The following TRDN variants were observed in gnomAD, a reference collection of about 807,000 sequenced individuals.
TRDN encodes triadin in skeletal muscle.
TRDN carries 161 observed loss-of-function variants against 149.7 expected under a neutral mutation model. The observed-to-expected ratio is 1.08, with a 90% CI of 0.95 to 1.23. The LOEUF (loss-of-function observed/expected upper bound fraction) is 1.23. Among genes scored for constraint, TRDN ranks in the 50% most tolerant of loss-of-function variants. The pLI, the probability that TRDN is intolerant of heterozygous loss-of-function variation, is 0.00. For missense variants in TRDN, 896 were observed against 823.5 expected (o/e 1.09, Z -1.08); for synonymous variants, 294 against 250.5 (o/e 1.17, Z -1.64).
intron 38 of TRDN, among the ~76,000 whole-genome samples, chr6:123,247,913 G>A (rs967794465): frequency 1.3e-5 from 2 of 151,956 alleles, no homozygotes; most frequent in South Asian, 2.1e-4. Flanking sequence ...ATAGACCAAT[G>A]GGACAGAACA....
intron 2 of TRDN, among the ~76,000 whole-genome samples, chr6:123,553,942 G>A (rs1781522504): frequency 1.3e-5 from 2 of 152,128 alleles, no homozygotes; most frequent in Admixed American, 6.6e-5. Flanking sequence ...TTTAATAAAT[G>A]TTAGATAATT....
At chr6:123,595,627 T>A (rs1351758426) in intron 1 of TRDN, among the ~76,000 whole-genome samples, 1 of 152,162 alleles carries the variant, frequency 6.6e-6, no homozygotes. Flanking sequence ...CCATAGCATG[T>A]GCTTGCTTCA....
chr6:123,293,574 C>G (rs1480205052), intron 24 of TRDN, among the ~76,000 whole-genome samples: 1 of 152,014 alleles, frequency 6.6e-6, no homozygotes, highest in Non-Finnish European at 1.5e-5. Context: ...GGAGTACCCC[C>G]CTTCTGAAAA....
At chr6:123,454,938 C>T (rs1273774887) in intron 10 of TRDN, among the ~76,000 whole-genome samples, 1 of 152,090 alleles carries the variant, frequency 6.6e-6, no homozygotes, top group Admixed American at 6.6e-5. Context: ...AGTGACAGAA[C>T]AAAATTTAAA....
In TRDN at chr6:123,636,852, A is replaced by G. The variant is rs1786350915; in HGVS notation, c.-77T>C. On this transcript the variant is annotated 5_prime_UTR_variant, in exon 1 of 41. Coordinates refer to ENST00000334268, the MANE Select transcript of TRDN (RefSeq NM_006073.4). ...TTGCAGAGTATTTGGGGATTTGAGA[A>G]CTCTGGTGGAGGGTTCTGTGTCAAA... 1 of 1,562,832 alleles carries G rather than the reference A, an allele frequency of 6.4e-7. No individual in the cohort carries two copies.
intron 2 of TRDN, among the ~76,000 whole-genome samples, chr6:123,559,639 G>A (rs1489699245): frequency 6.6e-6 from 1 of 152,082 alleles, no homozygotes; most frequent in Non-Finnish European, 1.5e-5. Context: ...AGCATGCTTT[G>A]AAAGGATTAA....
intron 1 of TRDN, among the ~76,000 whole-genome samples, chr6:123,633,795 T>C (rs1197791315): frequency 2.6e-5 from 4 of 151,930 alleles, no homozygotes; most frequent in African/African-American, 9.7e-5. Flanking sequence ...GAACCTGCAG[T>C]GGAAATTGAT....
At chr6:123,629,966 A>C (rs1785896603) in intron 1 of TRDN, among the ~76,000 whole-genome samples, 2 of 152,084 alleles carry the variant, frequency 1.3e-5, no homozygotes. Context: ...TTTACATGAC[A>C]ATCAAATAAG....
At chr6:123,255,192 T>A in intron 36 of TRDN, 67 bp from the exon 37 acceptor site, 1 of 755,392 alleles carries the variant, frequency 1.3e-6, no homozygotes, top group Non-Finnish European at 2.0e-6. Flanking sequence ...AAATTTTGTC[T>A]CACATCAACG....
chr6:123,284,589 C>A (rs1023288820), intron 24 of TRDN, among the ~76,000 whole-genome samples: 1 of 152,056 alleles, frequency 6.6e-6, no homozygotes, highest in African/African-American at 2.4e-5. Context: ...AAAGCATTCC[C>A]TCTGAAAACT....
chr6:123,314,379 C>T (rs151026056), intron 24 of TRDN, among the ~76,000 whole-genome samples: 335 of 152,086 alleles, frequency 2.2e-3, no homozygotes, highest in Non-Finnish European at 3.6e-3. Context: ...GAAAAAGGAA[C>T]GCATATACAA....
rs1781086588 is a variant in TRDN, at chr6:123,545,888, A to C, written c.424+1452T>G. ...AATTTTAAAATAATTTCAAAGAAAA[A>C]TTTAAATCAAAAGAAAAGATTTTTT... On this transcript the variant is annotated intron_variant, in intron 4 of 40. Coordinates refer to ENST00000334268, the MANE Select transcript of TRDN (RefSeq NM_006073.4). Among the ~76,000 whole-genome samples the C allele has an allele frequency of 1.3e-5, 2 of 152,044 alleles. 1 individual carries two copies. The highest frequency in any genetic ancestry group is 4.2e-4 in the South Asian group (2 of 4,812).
At chr6:123,233,184 C>T (rs922674571) in intron 38 of TRDN, among the ~76,000 whole-genome samples, 4 of 152,024 alleles carry the variant, frequency 2.6e-5, no homozygotes, top group African/African-American at 9.7e-5. Flanking sequence ...TCTAAGAGTT[C>T]ACATTTTCCT....
chr6:123,311,093 T>C (rs1263595590), intron 24 of TRDN, among the ~76,000 whole-genome samples: 1 of 151,954 alleles, frequency 6.6e-6, no homozygotes, highest in Non-Finnish European at 1.5e-5. Context: ...GAAGACTGGG[T>C]AATTTTATAA....
intron 12 of TRDN, among the ~76,000 whole-genome samples, chr6:123,398,055 C>T (rs1016194945): frequency 6.6e-6 from 1 of 152,176 alleles, no homozygotes; most frequent in East Asian, 1.9e-4. Context: ...CCCAGGCTGG[C>T]GTGCAGTGGC....
chr6:123,535,056 T>A (rs1196730182), intron 4 of TRDN, among the ~76,000 whole-genome samples: 1 of 152,174 alleles, frequency 6.6e-6, no homozygotes, highest in Admixed American at 6.6e-5. Flanking sequence ...AATTGTTTTG[T>A]GTCTTAGAAA....
rs1001384632 is a variant in TRDN at position 123,464,154 on chromosome 6, C to T, written c.931+752G>A. ...AGAGAAGGAACTGTTTTCTATTCATCTCTGAATCCCCAGTATTTTGGACAA... is the reference window on the plus strand; with the variant it reads ...AGAGAAGGAACTGTTTTCTATTCATTTCTGAATCCCCAGTATTTTGGACAA... On this transcript the variant is annotated intron_variant, in intron 10 of 40. Transcript: ENST00000334268. 98 of 655,140 alleles carry T rather than the reference C, an allele frequency of 1.5e-4. No individual in the cohort carries two copies. The African/African-American group carries it at 1.8e-3, about 12-fold the overall frequency. 40.6% of individuals were successfully genotyped at this position (655,140 alleles called of 1,614,324 possible).
At chr6:123,443,314 C>T (rs1775054645) in intron 10 of TRDN, among the ~76,000 whole-genome samples, 1 of 150,202 alleles carries the variant, frequency 6.7e-6, no homozygotes. Context: ...AAAATTAAAG[C>T]CTGAGACCAT....
intron 11 of TRDN, 140 bp downstream of exon 11, chr6:123,438,804 A>T (rs1287676493): frequency 3.6e-6 from 2 of 554,096 alleles, no homozygotes; most frequent in Non-Finnish European, 5.9e-6. Context: ...GAATATCTAG[A>T]CATGTTAAGA....
Sources: allele counts gnomAD v4.1 joint callset (sites outside exome capture counted in the v4.1 genomes callset), GRCh38; gene constraint gnomAD v4.1.1; transcripts MANE v1.5; gene names NCBI Gene and HGNC (gene_info 2026-07-23, HGNC 2026-07-21).